Variants in NPSR1 observed in about 807,000 individuals in gnomAD.
NPSR1 encodes neuropeptide S receptor 1.
A neutral mutation model predicts 46.9 loss-of-function variants in NPSR1; 48 were observed. That is an observed-to-expected ratio of 1.02 (90% CI 0.81 to 1.30). The LOEUF (loss-of-function observed/expected upper bound fraction) is 1.30. Ranked by LOEUF, NPSR1 falls within the 50% of genes most tolerant of loss-of-function variation. The pLI is 0.00. For missense variants in NPSR1, 450 were observed against 449.5 expected (o/e 1.00, Z -0.01); for synonymous variants, 176 against 168.1 (o/e 1.05, Z -0.36).
intron 4 of NPSR1, among the ~76,000 whole-genome samples, chr7:34,826,899 A>AAG (rs1010920490): frequency 3.3e-5 from 5 of 151,920 alleles, no homozygotes; most frequent in Non-Finnish European, 7.4e-5. Flanking sequence ...AAAAAAAAAA[A>AAG]AAAGAAAGAA....
rs575847884 is a variant in NPSR1, at chr7:34,869,552, A to T, written c.1026-8524A>T. ...ACAATCAGTGTAAATCTCCAAACTCATCAGGGCCCTCCTTACCTCTAGCAA... is the reference window on the plus strand; with the variant it reads ...ACAATCAGTGTAAATCTCCAAACTCTTCAGGGCCCTCCTTACCTCTAGCAA... On this transcript the variant is annotated intron_variant, in intron 8 of 8. Transcript: ENST00000359791. Among the ~76,000 whole-genome samples the T allele has an allele frequency of 8.6e-5, 13 of 151,724 alleles. 1 individual carries two copies. The highest frequency in any genetic ancestry group is 2.9e-4 in the African/African-American group (12 of 41,068).
intron 8 of NPSR1, among the ~76,000 whole-genome samples, chr7:34,870,767 T>C (rs1165422091): frequency 6.6e-6 from 1 of 151,806 alleles, no homozygotes; most frequent in Non-Finnish European, 1.5e-5. Context: ...AGGCTCTGGA[T>C]ACTCCAGAAT....
intron 3 of NPSR1, among the ~76,000 whole-genome samples, chr7:34,781,248 A>G (rs894502610): frequency 1.3e-5 from 2 of 152,150 alleles, no homozygotes; most frequent in African/African-American, 4.8e-5. Flanking sequence ...GGGAATTAAT[A>G]GTTTCTAGAA....
chr7:34,686,314 A>G (rs768500066), intron 2 of NPSR1, among the ~76,000 whole-genome samples: 9 of 152,174 alleles, frequency 5.9e-5, no homozygotes, highest in Admixed American at 1.3e-4. Flanking sequence ...TAAATGAAGA[A>G]TTCCTGAAAT....
chr7:34,659,197 G>C (rs1583748195), intron 1 of NPSR1, among the ~76,000 whole-genome samples: 1 of 152,178 alleles, frequency 6.6e-6, no homozygotes, highest in African/African-American at 2.4e-5. Context: ...TCTTCATTAA[G>C]CTAATACTGT....
At chr7:34,684,732 T>C (rs1264822804) in intron 2 of NPSR1, 48 bp downstream of exon 2, 2 of 1,440,890 alleles carry the variant, frequency 1.4e-6, no homozygotes, top group Middle Eastern at 3.6e-4. Flanking sequence ...GTGAAGTCCC[T>C]ATGGCTTCCT....
rs202169485 is a variant in NPSR1, at chr7:34,778,545, C to T, written c.364C>T (p.Arg122Ter). The T allele has an allele frequency of 4.5e-5, 73 of 1,610,778 alleles. No homozygotes were observed. The East Asian group carries it at 1.4e-3, about 31-fold the overall frequency. Reference sequence around the variant, plus strand: ...CTTCACGGCACCTGACCTGGTTTGCCGAGTGGTCCGCTATTTGCAGGTATG... The same window carrying T: ...CTTCACGGCACCTGACCTGGTTTGCTGAGTGGTCCGCTATTTGCAGGTATG... ...GDFTAPDLVC[R>*]VVRYLQVVLL... is the part of the protein sequence containing the mutation. Residue 122 changes from arginine to a stop codon, truncating the protein, a stop_gained, in exon 3 of 9, where the codon CGA becomes TGA. Transcript: ENST00000360581. LOFTEE classifies it high-confidence loss of function.
At chr7:34,799,369 T>C (rs2128747039) in intron 3 of NPSR1, among the ~76,000 whole-genome samples, 1 of 151,754 alleles carries the variant, frequency 6.6e-6, no homozygotes, top group Admixed American at 6.6e-5. Flanking sequence ...ATAATAAAAT[T>C]GATAAATTTC....
At chr7:34,806,724 C>T (rs1225963008) in intron 3 of NPSR1, among the ~76,000 whole-genome samples, 1 of 151,994 alleles carries the variant, frequency 6.6e-6, no homozygotes, top group African/African-American at 2.4e-5. Context: ...ATGTTAATGA[C>T]AAGGAAAAGT....
chr7:34,791,103 A>AC (rs1787820609), intron 3 of NPSR1, among the ~76,000 whole-genome samples: 1 of 87,656 alleles, frequency 1.1e-5, no homozygotes, highest in African/African-American at 6.7e-5. Context: ...TATTATATAT[A>AC]ATATGTTATA....
At position 34,789,404 on chromosome 7, in the gene NPSR1, A is replaced by G. The variant is rs184444675; in HGVS notation, c.384+10839A>G. Reference sequence around the variant, plus strand: ...CAAACCTTTAGCTAGAATAACTAGGAAAAAGAAGAAAACTCAAATAAAATT... The same window carrying G: ...CAAACCTTTAGCTAGAATAACTAGGGAAAAGAAGAAAACTCAAATAAAATT... On this transcript the variant is annotated intron_variant, in intron 3 of 8. Transcript: ENST00000360581. Among the ~76,000 whole-genome samples, 779 of 152,226 alleles carry G rather than the reference A, an allele frequency of 5.1e-3. 5 individuals carry two copies. The highest frequency in any genetic ancestry group is 9.1e-3 in the East Asian group (47 of 5,184).
At chr7:34,776,161 A>G (rs990501720) in intron 2 of NPSR1, among the ~76,000 whole-genome samples, 2 of 152,008 alleles carry the variant, frequency 1.3e-5, no homozygotes, top group Non-Finnish European at 2.9e-5. Flanking sequence ...CATATAGTCT[A>G]CTCTTGAGAA....
intron 2 of NPSR1, among the ~76,000 whole-genome samples, chr7:34,763,858 G>T (rs1305606880): frequency 6.6e-6 from 1 of 152,148 alleles, no homozygotes; most frequent in Non-Finnish European, 1.5e-5. Context: ...TGACTAGCAG[G>T]ATATTATTAG....
At chr7:34,774,628 C>T (rs1786861165) in intron 2 of NPSR1, among the ~76,000 whole-genome samples, 1 of 152,138 alleles carries the variant, frequency 6.6e-6, no homozygotes, top group South Asian at 2.1e-4. Flanking sequence ...GCTTCAGAGC[C>T]CTAGGGGCCT....
chr7:34,733,362 T>G (rs995519137), intron 2 of NPSR1, among the ~76,000 whole-genome samples: 53 of 148,600 alleles, frequency 3.6e-4, no homozygotes, highest in Non-Finnish European at 6.8e-4. Flanking sequence ...GAAGTTGCAG[T>G]GAGCCACGAT....
intron 5 of NPSR1, among the ~76,000 whole-genome samples, chr7:34,829,452 C>T (rs1384172052): frequency 6.6e-6 from 1 of 152,198 alleles, no homozygotes; most frequent in Non-Finnish European, 1.5e-5. Flanking sequence ...GGGCCCATGG[C>T]AGAGGAGACA....
At chr7:34,853,075 T>C (rs1000901837), downstream of NPSR1, among the ~76,000 whole-genome samples, 1 of 152,142 alleles carries the variant, frequency 6.6e-6, no homozygotes, top group African/African-American at 2.4e-5. Flanking sequence ...TTGTGGATAA[T>C]CATGAGAAAA....
At chr7:34,773,913 TCA>T (rs1786812045) in intron 2 of NPSR1, among the ~76,000 whole-genome samples, 1 of 152,184 alleles carries the variant, frequency 6.6e-6, no homozygotes, top group Non-Finnish European at 1.5e-5. Context: ...ACAAAAATCT[TCA>T]CACATTGTGC....
intron 3 of NPSR1, among the ~76,000 whole-genome samples, chr7:34,781,521 T>C (rs1013387113): frequency 6.6e-6 from 1 of 152,164 alleles, no homozygotes; most frequent in Non-Finnish European, 1.5e-5. Flanking sequence ...GCTATCAGTA[T>C]TAGACACAGA....
Sources: allele counts gnomAD v4.1 joint callset (sites outside exome capture counted in the v4.1 genomes callset), GRCh38; gene constraint gnomAD v4.1.1; transcripts MANE v1.5; gene names NCBI Gene and HGNC (gene_info 2026-07-23, HGNC 2026-07-21).